Variants in ZNF446 observed in about 807,000 individuals in gnomAD.
ZNF446 encodes the protein zinc finger protein 446.
Under a neutral mutation model 34.0 loss-of-function variants are expected in ZNF446, and 42 were observed. That is an observed-to-expected ratio of 1.23 (90% confidence interval 0.96 to 1.60). ZNF446 has a LOEUF of 1.60. Among genes scored for constraint, ZNF446 ranks in the 40% most tolerant of loss-of-function variants. ZNF446 has a pLI of 0.00. For synonymous variants in ZNF446, 315 were observed against 251.0 expected (o/e 1.25, Z -2.41); for missense variants, 650 against 600.2 (o/e 1.08, Z -0.87).
rs1020856475 is a variant in ZNF446 at position 58,480,287 on chromosome 19, G to A, written c.914G>A (p.Arg305His). The change falls in exon 7 of 7, where the codon CGC becomes CAC. Residue 305 changes from arginine to histidine, a missense_variant. Arg to His is a conservative substitution (Grantham distance 29). Coordinates refer to ENST00000594369, the MANE Select transcript of ZNF446 (RefSeq NM_017908.4). This position sits in a 1 kb window ranked among gnomAD's most constrained non-coding sequence, Gnocchi z 7.2. ...SGAATPAPTVRPGTPPVPTQP... is the reference protein window; with the variant it reads ...SGAATPAPTVHPGTPPVPTQP... Reference sequence around the variant, plus strand: ...GCTGCCACTCCTGCCCCCACTGTGCGCCCAGGGACACCGCCAGTGCCCACT... The same window carrying A: ...GCTGCCACTCCTGCCCCCACTGTGCACCCAGGGACACCGCCAGTGCCCACT... 1.3e-5 allele frequency: 20 copies of A among 1,577,586 alleles called. No homozygotes were observed. The highest frequency in any genetic ancestry group is 1.5e-5 in the Non-Finnish European group (18 of 1,163,540).
At chr19:58,485,454 G>C (rs1053549064), downstream of ZNF446, among the ~76,000 whole-genome samples, 2 of 152,182 alleles carry the variant, frequency 1.3e-5, no homozygotes, top group African/African-American at 4.8e-5. Flanking sequence ...AGATTGCAGT[G>C]AGCTGAGATC....
chr19:58,477,746 C>T lies in ZNF446; in HGVS notation c.452C>T (p.Pro151Leu), dbSNP rs1189079464. 3 of 1,612,890 alleles carry T rather than the reference C, an allele frequency of 1.9e-6. No homozygotes were observed. Among genetic ancestry groups the T allele is most frequent in the Admixed American group, 1.7e-5 (1 of 59,828 alleles). Residue 151 changes from proline to leucine, a missense_variant, in exon 3 of 7, where the codon CCC becomes CTC. Coordinates refer to ENST00000594369, the MANE Select transcript of ZNF446 (RefSeq NM_017908.4). ...ACAGTGGAGTCCCCTGGGGAAGGTCCCCAGGACACCAGAATAGAGGGGTCT... is the reference window on the plus strand; with the variant it reads ...ACAGTGGAGTCCCCTGGGGAAGGTCTCCAGGACACCAGAATAGAGGGGTCT... ...SGTVESPGEG[P>L]QDTRIEGSVQ...
At chr19:58,486,763 G>A in the ZNF446 span, among the ~76,000 whole-genome samples, 3 of 151,298 alleles carry the variant, frequency 2.0e-5, no homozygotes, top group Non-Finnish European at 4.4e-5. Context: ...TGCCCAGGCT[G>A]AAAGTAAAAA....
In ZNF446 at chr19:58,480,434, A is replaced by G. The variant is rs936147390; in HGVS notation, c.1061A>G (p.His354Arg). ...GTGTTCGTCATCCACCACCGGACAC[A>G]CACGAGTGGGCCAGGTGTGCAGTCC... The part of the protein sequence containing the change: ...KSVFVIHHRT[H>R]TSGPGVQSPG... Residue 354 changes from histidine (H) to arginine (R), a missense_variant, in exon 7 of 7, where the codon CAC (histidine) becomes CGC (arginine). Transcript: ENST00000594369. This position sits in a 1 kb window ranked among gnomAD's most constrained non-coding sequence, Gnocchi z 7.2. The G allele has an allele frequency of 3.1e-6, 5 of 1,613,134 alleles. No homozygotes were observed. The highest frequency in any genetic ancestry group is 4.2e-6 in the Non-Finnish European group (5 of 1,179,988).
In ZNF446 at chr19:58,477,213, G is replaced by A. The variant is rs774547049; in HGVS notation, c.-6G>A. The A allele has an allele frequency of 6.5e-7, 1 of 1,544,750 alleles. No homozygotes were observed. Among genetic ancestry groups the A allele is most frequent in the Non-Finnish European group, 8.7e-7 (1 of 1,146,286 alleles). On this transcript the variant is annotated 5_prime_UTR_variant, in exon 2 of 7. Coordinates refer to ENST00000594369, the MANE Select transcript of ZNF446 (RefSeq NM_017908.4). ...GACGATTCCAAGACCACCCCCTTGA[G>A]CAAGAATGCCATCCCCTCTGGGTCC... is the stretch of plus-strand genomic sequence containing the variant.
rs1395495953 is a variant in ZNF446 at position 58,477,264 on chromosome 19, G to A, written c.46G>A (p.Glu16Lys). The A allele has an allele frequency of 2.5e-6, 4 of 1,605,236 alleles. No individual in the cohort carries two copies. The Admixed American group carries it at 6.7e-5, about 27-fold the overall frequency. ...CCCATGCCTGCCCGTCATGGACCCA[G>A]AGACCACCCTTGAGGAGCCTGAGAC... ...GPPCLPVMDP[E>K]TTLEEPETAR... Residue 16 changes from glutamate (E) to lysine (K), a missense_variant, in exon 2 of 7, where the codon GAG becomes AAG. Coordinates refer to ENST00000594369, the MANE Select transcript of ZNF446 (RefSeq NM_017908.4).
chr19:58,479,788 G>C, intron 5 of ZNF446, 61 bp downstream of exon 5: 1 of 1,555,172 alleles, frequency 6.4e-7, no homozygotes, highest in Non-Finnish European at 8.8e-7. Flanking sequence ...CCCTGCAGCA[G>C]GCCTAGCTGG....
Position 58,479,735 on chromosome 19 carries a change from C to T in ZNF446, c.712+8C>T. Reference sequence around the variant, plus strand: ...GCACAGTGGTCTCCCTGGGTGAGGACCAGCCAGCCCCACCCCGCCCCTCTC... The same window carrying T: ...GCACAGTGGTCTCCCTGGGTGAGGATCAGCCAGCCCCACCCCGCCCCTCTC... On this transcript the variant is annotated splice_region_variant and intron_variant, in intron 5 of 6. Coordinates refer to ENST00000594369, the MANE Select transcript of ZNF446 (RefSeq NM_017908.4). The T allele has an allele frequency of 6.2e-7, 1 of 1,606,206 alleles. No individual in the cohort carries two copies. The highest frequency in any genetic ancestry group is 8.5e-7 in the Non-Finnish European group (1 of 1,177,662).
At chr19:58,488,859 A>AAC in the ZNF446 span, among the ~76,000 whole-genome samples, 6 of 151,448 alleles carry the variant, frequency 4.0e-5, no homozygotes, top group East Asian at 9.7e-4. Context: ...AAAAAAAAAA[A>AAC]AAAAACAAAA....
chr19:58,479,872 C>T (rs767902291), intron 5 of ZNF446, 58 bp from the exon 6 acceptor site: 25 of 1,420,278 alleles, frequency 1.8e-5, no homozygotes, highest in Admixed American at 5.9e-5. Flanking sequence ...CTACCAGAAC[C>T]GACCCCACCC....
the ZNF446 span, among the ~76,000 whole-genome samples, chr19:58,488,865 C>CAAAAAAAAAAAAAAAAAAAAAAA: frequency 7.6e-6 from 1 of 130,932 alleles, no homozygotes. Context: ...AAAAAAAAAA[C>CAAAAAAAAAAAAAAAAAAAAAAA]AAAAAAATAC....
downstream of ZNF446, among the ~76,000 whole-genome samples, chr19:58,481,691 A>G (rs2053141322): frequency 4.6e-5 from 7 of 152,328 alleles, no homozygotes; most frequent in South Asian, 1.2e-3. Context: ...TTGCTGCTTT[A>G]ACAAACTTGG....
chr19:58,484,465 C>CAAA (rs762913939), downstream of ZNF446, among the ~76,000 whole-genome samples: 122 of 97,366 alleles, frequency 1.3e-3, 2 homozygotes, highest in Non-Finnish European at 1.4e-3. Flanking sequence ...GACTCCATCT[C>CAAA]AAAAAAAAAA....
At position 58,477,238 on chromosome 19, in the gene ZNF446, C is replaced by T. The variant is rs762836677; in HGVS notation, c.20C>T (p.Pro7Leu). 5.7e-6 allele frequency: 9 copies of T among 1,585,034 alleles called. No individual in the cohort carries two copies. In the African/African-American group the frequency reaches 9.4e-5, roughly 17 times the overall value. The change falls in exon 2 of 7, where the codon CCC becomes CTC. Residue 7 changes from proline (P) to leucine (L), a missense_variant. Physicochemically the swap from Pro to Leu is moderately conservative, Grantham distance 98. Coordinates refer to ENST00000594369, the MANE Select transcript of ZNF446 (RefSeq NM_017908.4). ...GCAAGAATGCCATCCCCTCTGGGTC[C>T]CCCATGCCTGCCCGTCATGGACCCA... MPSPLG[P>L]PCLPVMDPET... is the part of the protein sequence containing the mutation.
Position 58,479,739 on chromosome 19 carries a change from C to T in ZNF446, c.712+12C>T. The T allele has an allele frequency of 6.2e-7, 1 of 1,605,506 alleles. No individual in the cohort carries two copies. Reference sequence around the variant, plus strand: ...AGTGGTCTCCCTGGGTGAGGACCAGCCAGCCCCACCCCGCCCCTCTCCCTG... The same window carrying T: ...AGTGGTCTCCCTGGGTGAGGACCAGTCAGCCCCACCCCGCCCCTCTCCCTG... On this transcript the variant is annotated intron_variant, in intron 5 of 6. Coordinates refer to ENST00000594369, the MANE Select transcript of ZNF446 (RefSeq NM_017908.4).
At chr19:58,486,717 T>TTGGGG in the ZNF446 span, among the ~76,000 whole-genome samples, 163 of 89,950 alleles carry the variant, frequency 1.8e-3, no homozygotes, top group African/African-American at 7.7e-3. Context: ...CTTTTTTTTT[T>TTGGGG]GGGGGGGGGC....
chr19:58,486,088 C>CTTTTTTTTTT (rs71190045), downstream of ZNF446, among the ~76,000 whole-genome samples: 1 of 83,336 alleles, frequency 1.2e-5, no homozygotes, highest in Non-Finnish European at 2.2e-5. Flanking sequence ...AGCTAACTTT[C>CTTTTTTTTTT]TTTTTTTTTT....
chr19:58,477,225 T>TC lies in ZNF446; in HGVS notation c.11dup (p.Leu5SerfsTer16). 1 of 1,557,816 alleles carries TC rather than the reference T, an allele frequency of 6.4e-7. No homozygotes were observed. Among genetic ancestry groups the TC allele is most frequent in the South Asian group, 1.2e-5 (1 of 85,116 alleles). ...ACCACCCCCTTGAGCAAGAATGCCA[T>TC]CCCCTCTGGGTCCCCCATGCCTGCC... is the stretch of plus-strand genomic sequence containing the variant. On this transcript the variant is annotated frameshift_variant, in exon 2 of 7. Transcript: ENST00000594369. LOFTEE classifies it high-confidence loss of function.
At chr19:58,482,712 A>T (rs149605744), downstream of ZNF446, among the ~76,000 whole-genome samples, 12 of 152,116 alleles carry the variant, frequency 7.9e-5, no homozygotes, top group Non-Finnish European at 1.6e-4. Flanking sequence ...CGTTGCTCCC[A>T]TGTGCAGGGC....
Sources: allele counts gnomAD v4.1 joint callset (sites outside exome capture counted in the v4.1 genomes callset), GRCh38; gene constraint gnomAD v4.1.1; non-coding constraint Gnocchi (gnomAD v3.1); transcripts MANE v1.5; gene names NCBI Gene and HGNC (gene_info 2026-07-23, HGNC 2026-07-21).